Variants in FMN1 observed in about 807,000 individuals in gnomAD.
The protein encoded by FMN1 is formin-1.
In FMN1, 110 loss-of-function variants were observed where a neutral mutation model predicts 132.4. The observed-to-expected ratio is 0.83, with a 90% confidence interval of 0.71 to 0.97. The LOEUF (loss-of-function observed/expected upper bound fraction) is 0.97, where lower values mean the gene tolerates loss of function less well. FMN1 is among the 50% of genes least tolerant of loss of function. The pLI, the probability that FMN1 is intolerant of heterozygous loss-of-function variation, is 0.00. For missense variants in FMN1, 1,792 were observed against 1,705.3 expected, an observed-to-expected ratio of 1.05 and a Z score of -0.90; for synonymous variants, 722 against 651.7, an observed-to-expected ratio of 1.11 and a Z score of -1.64.
At chr15:33,180,392 C>G (rs1965655548) in intron 2 of FMN1, 130 bp from the exon 3 acceptor site, 1 of 152,110 alleles carries the variant, frequency 6.6e-6, no homozygotes, top group African/African-American at 2.4e-5. Context: ...TTGGGGATCA[C>G]AATGCTGACC....
chr15:33,050,696 G>C (rs1455470234), intron 6 of FMN1, among the ~76,000 whole-genome samples: 1 of 152,192 alleles, frequency 6.6e-6, no homozygotes, highest in Non-Finnish European at 1.5e-5. Context: ...AATGGGCCAG[G>C]ACACAACAAT....
In FMN1 at chr15:33,001,673, C is replaced by T. The variant is rs1186655057; in HGVS notation, c.2223+6341G>A. Among the ~76,000 whole-genome samples, 5 of 141,044 alleles carry T rather than the reference C, an allele frequency of 3.5e-5. No homozygotes were observed. The East Asian group carries it at 1.1e-3, about 32-fold the overall frequency. The allele number at this position is 141,044 out of a possible 152,430, so 92.5% of individuals were successfully genotyped here. A position where few individuals can be genotyped will look rare whatever the true frequency, so the allele number is the denominator to read the frequency against. Reference sequence around the variant, plus strand: ...GGACATATTTGGGACATTGGACTTTCCTCCTCCTCCCCCTCCCCTTCCGCC... The same window carrying T: ...GGACATATTTGGGACATTGGACTTTTCTCCTCCTCCCCCTCCCCTTCCGCC... On this transcript the variant is annotated intron_variant, in intron 7 of 20. Transcript: ENST00000616417.
chr15:33,033,247 G>T (rs2036028297), intron 6 of FMN1, among the ~76,000 whole-genome samples: 1 of 152,158 alleles, frequency 6.6e-6, no homozygotes, highest in South Asian at 2.1e-4. Flanking sequence ...AGCCAGGATA[G>T]TCTTGATCTC....
intron 15 of FMN1, among the ~76,000 whole-genome samples, chr15:32,891,046 G>GTT (rs745663465): frequency 3.3e-5 from 5 of 152,174 alleles, no homozygotes; most frequent in Non-Finnish European, 4.4e-5. Flanking sequence ...TCAGTTGGCT[G>GTT]TAAGTATTTG....
intron 4 of FMN1, among the ~76,000 whole-genome samples, chr15:33,115,516 A>G (rs1246792511): frequency 2.1e-5 from 3 of 140,808 alleles, no homozygotes; most frequent in South Asian, 4.5e-4. Context: ...ACACACACGC[A>G]CACACACAAA....
At chr15:32,920,563 T>C (rs11635965) in intron 10 of FMN1, among the ~76,000 whole-genome samples, 39,744 of 152,118 alleles carry the variant, frequency 0.26, 5,573 homozygotes, top group Non-Finnish European at 0.32. Flanking sequence ...CCCTATCCGC[T>C]TACCACTAGC....
intron 4 of FMN1, among the ~76,000 whole-genome samples, chr15:33,128,671 G>A (rs549311971): frequency 1.9e-3 from 297 of 152,308 alleles, no homozygotes; most frequent in Non-Finnish European, 3.2e-3. Flanking sequence ...CGGTGAGTTT[G>A]TAGTCTCACT....
intron 5 of FMN1, among the ~76,000 whole-genome samples, chr15:33,075,909 T>C (rs1337021976): frequency 6.6e-6 from 1 of 152,182 alleles, no homozygotes. Flanking sequence ...TCATTACAAA[T>C]GAAATAAAAG....
chr15:32,938,028 TG>T (rs1220527532), intron 9 of FMN1, among the ~76,000 whole-genome samples: 1 of 152,036 alleles, frequency 6.6e-6, no homozygotes, highest in East Asian at 1.9e-4. Flanking sequence ...GAGAATGTAT[TG>T]GAAGTAGACA....
intron 17 of FMN1, among the ~76,000 whole-genome samples, chr15:32,852,833 C>T (rs956374801): frequency 3.9e-5 from 6 of 152,276 alleles, no homozygotes; most frequent in East Asian, 1.9e-4. Flanking sequence ...ATATTATCTG[C>T]GGCCTGTCAG....
At chr15:32,804,259 G>T in intron 18 of FMN1, 22 bp downstream of exon 18, 1 of 1,544,060 alleles carries the variant, frequency 6.5e-7, no homozygotes, top group South Asian at 1.2e-5. Context: ...GAAAGAACTG[G>T]GGCCAAATCA....
At chr15:32,888,719 T>C (rs2059953490) in intron 15 of FMN1, among the ~76,000 whole-genome samples, 1 of 152,212 alleles carries the variant, frequency 6.6e-6, no homozygotes, top group Admixed American at 6.5e-5. Flanking sequence ...CAGAAGGTGC[T>C]GGATAAGAAG....
chr15:32,952,932 G>A (rs1388873952), intron 9 of FMN1, among the ~76,000 whole-genome samples: 8 of 152,142 alleles, frequency 5.3e-5, no homozygotes, highest in Non-Finnish European at 2.9e-5. Flanking sequence ...AGAGTCTCAC[G>A]TCCGTGTCAA....
intron 4 of FMN1, among the ~76,000 whole-genome samples, chr15:33,091,099 A>C (rs2038885840): frequency 6.6e-6 from 1 of 152,206 alleles, no homozygotes; most frequent in Non-Finnish European, 1.5e-5. Flanking sequence ...TGCACAGAAT[A>C]ATAAAACAAT....
At chr15:32,850,357 T>G (rs2058981384) in intron 17 of FMN1, among the ~76,000 whole-genome samples, 1 of 151,716 alleles carries the variant, frequency 6.6e-6, no homozygotes, top group Non-Finnish European at 1.5e-5. Flanking sequence ...AAGTATGGCC[T>G]TTGTCAATCT....
intron 6 of FMN1, among the ~76,000 whole-genome samples, chr15:33,060,156 A>T (rs932260955): frequency 7.0e-6 from 1 of 142,430 alleles, no homozygotes; most frequent in Non-Finnish European, 1.6e-5. Context: ...AGCAGGCTAC[A>T]GGGGTCTATG....
chr15:32,825,935 C>T (rs1374066537), intron 17 of FMN1, among the ~76,000 whole-genome samples: 1 of 152,164 alleles, frequency 6.6e-6, no homozygotes, highest in Non-Finnish European at 1.5e-5. Context: ...TTGTATTAGA[C>T]CTGACATATA....
At chr15:33,006,622 G>T (rs1310127227) in intron 7 of FMN1, among the ~76,000 whole-genome samples, 1 of 152,072 alleles carries the variant, frequency 6.6e-6, no homozygotes, top group Non-Finnish European at 1.5e-5. Flanking sequence ...CAAAAGCCAA[G>T]ATATGGAATC....
Position 33,057,241 on chromosome 15 carries a change from AG to A in FMN1, c.2161+7715del, listed in dbSNP as rs984332006. 8.5e-5 allele frequency among the ~76,000 whole-genome samples: 13 copies of A among 152,318 alleles called. No homozygotes were observed. In the South Asian group the frequency reaches 1.9e-3, roughly 22 times the overall value. The stretch of plus-strand genomic sequence containing the variant: ...AGGATAGTGGTTTTCTTTGACGGAA[AG>A]GGAAATTGTAGCAATTGGAAGGGGG... On this transcript the variant is annotated intron_variant, in intron 6 of 20. Coordinates refer to ENST00000616417, the MANE Select transcript of FMN1 (RefSeq NM_001277313.2).
Sources: gnomAD v4.1 joint callset for allele counts (sites outside exome capture counted in the v4.1 genomes callset) on GRCh38, gnomAD v4.1.1 for gene constraint, MANE v1.5 for transcripts, NCBI Gene and HGNC (gene_info 2026-07-23, HGNC 2026-07-21) for gene names.